The following PDE10A variants were observed in gnomAD, a reference collection of about 807,000 sequenced individuals.
The protein encoded by PDE10A is phosphodiesterase 10A.
Under a neutral mutation model 97.7 loss-of-function variants are expected in PDE10A, and 39 were observed. The observed-to-expected ratio is 0.40, with a 90% CI of 0.31 to 0.52. The LOEUF (loss-of-function observed/expected upper bound fraction) is 0.52. Ranked by LOEUF, PDE10A falls within the 20% of genes least tolerant of loss-of-function variation. PDE10A has a pLI of 0.56. For synonymous variants in PDE10A, 371 were observed against 376.8 expected (o/e 0.98, Z 0.18); for missense variants, 731 against 1,047.8 (o/e 0.70, Z 4.17).
intron 1 of PDE10A, among the ~76,000 whole-genome samples, chr6:165,985,217 A>T (rs1199397870): frequency 1.3e-5 from 2 of 152,208 alleles, no homozygotes; most frequent in Admixed American, 1.3e-4. Context: ...ACAACAAAAC[A>T]TCTCCATCTG....
intron 1 of PDE10A, among the ~76,000 whole-genome samples, chr6:165,750,425 CT>C (rs1318465006): frequency 1.3e-5 from 2 of 152,200 alleles, no homozygotes; most frequent in African/African-American, 4.8e-5. Context: ...ACCTGGCCCC[CT>C]GGCTGCTGGT....
chr6:165,339,056 C>T (rs1781818301), intron 20 of PDE10A, among the ~76,000 whole-genome samples: 1 of 152,138 alleles, frequency 6.6e-6, no homozygotes, highest in African/African-American at 2.4e-5. Context: ...AGTGAAGGCT[C>T]ATTTGAGTAG....
intron 1 of PDE10A, among the ~76,000 whole-genome samples, chr6:165,886,874 AT>A (rs1781645315): frequency 6.6e-6 from 1 of 152,220 alleles, no homozygotes; most frequent in Admixed American, 6.5e-5. Context: ...GGGAAGCATA[AT>A]GCCATCTTGA....
intron 1 of PDE10A, among the ~76,000 whole-genome samples, chr6:165,922,436 A>G (rs1782783580): frequency 6.6e-6 from 1 of 152,222 alleles, no homozygotes; most frequent in Non-Finnish European, 1.5e-5. Flanking sequence ...TGCTGGTGCT[A>G]CTTGGCTGAG....
chr6:165,882,944 G>T (rs1015536070), intron 1 of PDE10A, among the ~76,000 whole-genome samples: 1 of 152,090 alleles, frequency 6.6e-6, no homozygotes, highest in Non-Finnish European at 1.5e-5. Context: ...GAAATTAAAA[G>T]AAGGATTTGC....
chr6:165,402,352 A>G (rs1458962261), intron 13 of PDE10A, among the ~76,000 whole-genome samples: 3 of 152,096 alleles, frequency 2.0e-5, no homozygotes, highest in Admixed American at 6.5e-5. Context: ...ATTAATTAAA[A>G]TCACAGCACA....
intron 1 of PDE10A, among the ~76,000 whole-genome samples, chr6:165,854,589 C>T (rs1021737975): frequency 1.3e-4 from 20 of 152,182 alleles, no homozygotes; most frequent in Non-Finnish European, 2.8e-4. Context: ...CCGGGGGTCC[C>T]CAGCTCTGGC....
intron 1 of PDE10A, among the ~76,000 whole-genome samples, chr6:165,701,791 ATGTG>A (rs776709357): frequency 6.7e-6 from 1 of 150,262 alleles, no homozygotes; most frequent in African/African-American, 2.5e-5. Flanking sequence ...GTGTGTGTGC[ATGTG>A]TGTGTGTGTT....
chr6:165,820,545 C>T (rs533205183), intron 1 of PDE10A, among the ~76,000 whole-genome samples: 1 of 152,172 alleles, frequency 6.6e-6, no homozygotes. Context: ...AAGACAATTC[C>T]TGTGGCTTAG....
intron 1 of PDE10A, among the ~76,000 whole-genome samples, chr6:165,959,393 T>G (rs1006301135): frequency 2.0e-5 from 3 of 152,212 alleles, no homozygotes; most frequent in Non-Finnish European, 4.4e-5. Context: ...GCACTAATGC[T>G]TTTGTGAACA....
At chr6:165,403,154 C>T (rs755965154) in intron 13 of PDE10A, among the ~76,000 whole-genome samples, 15 of 152,172 alleles carry the variant, frequency 9.9e-5, no homozygotes, top group Non-Finnish European at 1.6e-4. Flanking sequence ...TAAGGAAAAG[C>T]ACTGGCCAGT....
chr6:165,555,426 T>C (rs1784206525), intron 1 of PDE10A, among the ~76,000 whole-genome samples: 1 of 152,164 alleles, frequency 6.6e-6, no homozygotes, highest in African/African-American at 2.4e-5. Context: ...TTATAATCCA[T>C]GCAAACACCT....
At chr6:165,461,888 C>T (rs1410224117) in intron 3 of PDE10A, among the ~76,000 whole-genome samples, 1 of 152,222 alleles carries the variant, frequency 6.6e-6, no homozygotes, top group African/African-American at 2.4e-5. Context: ...TCATCTTTTA[C>T]AGGAGGAGTT....
At chr6:165,943,294 G>A (rs375157152) in intron 1 of PDE10A, among the ~76,000 whole-genome samples, 9,573 of 56,602 alleles carry the variant, frequency 0.17, 1,404 homozygotes, top group African/African-American at 0.36. Context: ...AAAGAAAGAA[G>A]GAAAGAAAGA....
chr6:165,509,353 G>C (rs77313212), intron 2 of PDE10A, among the ~76,000 whole-genome samples: 1 of 151,822 alleles, frequency 6.6e-6, no homozygotes, highest in African/African-American at 2.4e-5. Flanking sequence ...TTTCCCCAAC[G>C]TATGTTCTTG....
intron 1 of PDE10A, among the ~76,000 whole-genome samples, chr6:165,777,453 A>G: frequency 6.6e-6 from 1 of 151,972 alleles, no homozygotes; most frequent in East Asian, 1.9e-4. Flanking sequence ...AAAAACCCTG[A>G]TGATTCCACA....
rs115517086 is a variant in PDE10A, at chr6:165,810,752, G to A, written c.-615+176777C>T. Among the ~76,000 whole-genome samples the A allele has an allele frequency of 4.6e-3, 695 of 151,988 alleles. 4 individuals are homozygous for A. Among genetic ancestry groups the A allele is most frequent in the African/African-American group, 0.014 (599 of 41,452 alleles). On this transcript the variant is annotated intron_variant, in intron 1 of 19. Transcript: ENST00000366882. ...TCTTCCCTCTGGAAGTTCTCTTACC[G>A]TAAACCCCCACCCCTTCCCTGTTTT...
At chr6:165,798,920 C>G (rs1778903539) in intron 1 of PDE10A, among the ~76,000 whole-genome samples, 1 of 152,202 alleles carries the variant, frequency 6.6e-6, no homozygotes, top group Admixed American at 6.5e-5. Context: ...GTTGGCCAGG[C>G]TGGTCTGGAA....
intron 1 of PDE10A, among the ~76,000 whole-genome samples, chr6:165,601,917 G>C (rs900538440): frequency 2.6e-5 from 4 of 152,086 alleles, no homozygotes; most frequent in African/African-American, 9.7e-5. Flanking sequence ...CGTAATTATT[G>C]TTCTATGCCA....
Sources: gnomAD v4.1 joint callset for allele counts (sites outside exome capture counted in the v4.1 genomes callset) on GRCh38, gnomAD v4.1.1 for gene constraint, MANE v1.5 for transcripts, NCBI Gene and HGNC (gene_info 2026-07-23, HGNC 2026-07-21) for gene names.